The following FARP1 variants were observed in gnomAD, a reference collection of about 807,000 sequenced individuals.
FARP1 encodes the protein FERM, ARHGEF and pleckstrin domain-containing protein 1.
In FARP1, 52 loss-of-function variants were observed where a neutral mutation model predicts 128.8. The ratio of observed to expected loss-of-function variants is 0.40; its 90% CI spans 0.32 to 0.51. The LOEUF (loss-of-function observed/expected upper bound fraction) is 0.51, where lower values mean the gene tolerates loss of function less well. FARP1 is among the 20% of genes least tolerant of loss of function. The pLI, the probability that FARP1 is intolerant of heterozygous loss-of-function variation, is 0.45. For synonymous variants in FARP1, 580 were observed against 551.8 expected (o/e 1.05, Z -0.72); for missense variants, 1,333 against 1,367.9 (o/e 0.97, Z 0.40).
intron 1 of FARP1, among the ~76,000 whole-genome samples, chr13:98,207,139 T>C (rs1880321490): frequency 6.6e-6 from 1 of 152,168 alleles, no homozygotes; most frequent in African/African-American, 2.4e-5. Context: ...CTTGGCTGGA[T>C]TTATGATTGA....
intron 2 of FARP1, chr13:98,338,448 AG>A (rs1016021250): frequency 2.0e-5 from 3 of 152,198 alleles, no homozygotes; most frequent in Non-Finnish European, 4.4e-5. Flanking sequence ...CACTTAGAAC[AG>A]TGTCTGTAAG....
intron 2 of FARP1, among the ~76,000 whole-genome samples, chr13:98,250,710 G>T (rs1883282347): frequency 6.8e-6 from 1 of 146,100 alleles, no homozygotes; most frequent in Admixed American, 7.1e-5. Context: ...GACAGAGCAA[G>T]ACTCTGTCTC....
intron 2 of FARP1, among the ~76,000 whole-genome samples, chr13:98,278,440 A>G (rs1268767500): frequency 2.6e-5 from 4 of 151,874 alleles, no homozygotes; most frequent in Non-Finnish European, 5.9e-5. Context: ...ATGTGTGAGA[A>G]TGTGTGTGAG....
chr13:98,351,668 G>T (rs1888435793), intron 3 of FARP1, among the ~76,000 whole-genome samples: 1 of 151,878 alleles, frequency 6.6e-6, no homozygotes. Flanking sequence ...TCATGGTTCT[G>T]TAGGCTCTAT....
chr13:98,343,004 A>G (rs1024379899), intron 2 of FARP1, among the ~76,000 whole-genome samples: 15 of 152,150 alleles, frequency 9.9e-5, no homozygotes. Flanking sequence ...AGCCTGGGCA[A>G]TAAGAGCAAA....
chr13:98,363,742 T>G (rs1202287289), intron 3 of FARP1, among the ~76,000 whole-genome samples: 1 of 152,094 alleles, frequency 6.6e-6, no homozygotes, highest in Non-Finnish European at 1.5e-5. Context: ...TTGAATTTAT[T>G]TATTTCTTTC....
At chr13:98,233,758 A>G (rs868941) in intron 2 of FARP1, 46,210 of 152,068 alleles carry the variant, frequency 0.3, 7,444 homozygotes, top group Middle Eastern at 0.48. Context: ...AAGGAATGAC[A>G]TGGGATTCTG....
At chr13:98,181,640 ATTT>A (rs10549636) in intron 1 of FARP1, among the ~76,000 whole-genome samples, 13,523 of 56,084 alleles carry the variant, frequency 0.24, 1,246 homozygotes, top group African/African-American at 0.43. Flanking sequence ...TTATTTATTT[ATTT>A]GAGAGAGAGA....
At chr13:98,388,126 C>T (rs1890169236) in intron 8 of FARP1, among the ~76,000 whole-genome samples, 1 of 152,100 alleles carries the variant, frequency 6.6e-6, no homozygotes. Flanking sequence ...TTCTTTTCAT[C>T]ATTATCTTGG....
intron 2 of FARP1, among the ~76,000 whole-genome samples, chr13:98,277,668 A>G (rs1366191027): frequency 6.6e-6 from 1 of 152,164 alleles, no homozygotes; most frequent in Non-Finnish European, 1.5e-5. Context: ...AGCACTGTTT[A>G]GAGTCAGCCG....
At chr13:98,406,763 C>T (rs1376549441) in intron 13 of FARP1, 1 of 152,332 alleles carries the variant, frequency 6.6e-6, no homozygotes, top group Non-Finnish European at 1.5e-5. Context: ...TTGTTCTGAA[C>T]CGTGGCACGC....
chr13:98,238,853 G>A (rs1308616878), intron 2 of FARP1, among the ~76,000 whole-genome samples: 1 of 152,102 alleles, frequency 6.6e-6, no homozygotes, highest in Non-Finnish European at 1.5e-5. Context: ...AATTTTTGGG[G>A]GAGTCAAAAG....
chr13:98,171,790 T>C (rs1594226974), intron 1 of FARP1, among the ~76,000 whole-genome samples: 1 of 152,146 alleles, frequency 6.6e-6, no homozygotes, highest in Admixed American at 6.6e-5. Context: ...AAAGTCCTCC[T>C]CCCCACCAAT....
intron 1 of FARP1, among the ~76,000 whole-genome samples, chr13:98,148,232 G>A (rs1875719213): frequency 6.6e-6 from 1 of 152,144 alleles, no homozygotes; most frequent in South Asian, 2.1e-4. Flanking sequence ...TACAAAATTA[G>A]CCAGGCGTGG....
chr13:98,278,204 C>T (rs542830180), intron 2 of FARP1, among the ~76,000 whole-genome samples: 3 of 144,820 alleles, frequency 2.1e-5, no homozygotes, highest in Admixed American at 6.8e-5. Context: ...TTCTGTGTGT[C>T]TTTGTGTTGT....
intron 1 of FARP1, among the ~76,000 whole-genome samples, chr13:98,168,369 C>T (rs576383734): frequency 6.6e-6 from 1 of 152,254 alleles, no homozygotes; most frequent in South Asian, 2.1e-4. Flanking sequence ...GCTTCATTTT[C>T]CACATATGTA....
intron 2 of FARP1, among the ~76,000 whole-genome samples, chr13:98,312,135 C>CTTTTTTT (rs60890411): frequency 0.17 from 14,350 of 85,802 alleles, 3,164 homozygotes; most frequent in Non-Finnish European, 0.21. Context: ...GTGGTAACTG[C>CTTTTTTT]TTTTTTTTTT....
In FARP1 at chr13:98,329,295, C is replaced by T. The variant is rs2139819019; in HGVS notation, c.172-14467C>T. On this transcript the variant is annotated intron_variant, in intron 2 of 26. Transcript: ENST00000319562. ...TTTAAGCTTTTTTCATATAGTTGGC[C>T]TTTTGTTAATGGTCAGCATTTATGG... The T allele has an allele frequency of 1.3e-5, 2 of 152,268 alleles. 1 individual carries two copies. The highest frequency in any genetic ancestry group is 4.1e-4 in the South Asian group (2 of 4,822). The allele number at this position is 152,268 out of a possible 1,614,324, so 9.4% of individuals were successfully genotyped here. A position where few individuals can be genotyped will look rare whatever the true frequency, so the allele number is the denominator to read the frequency against.
chr13:98,193,413 A>T (rs1879371097), intron 1 of FARP1, among the ~76,000 whole-genome samples: 1 of 152,212 alleles, frequency 6.6e-6, no homozygotes, highest in East Asian at 1.9e-4. Flanking sequence ...TGACTTATTT[A>T]GAGCAACCTG....
Sources: allele counts gnomAD v4.1 joint callset (sites outside exome capture counted in the v4.1 genomes callset), GRCh38; gene constraint gnomAD v4.1.1; transcripts MANE v1.5; gene names NCBI Gene and HGNC (gene_info 2026-07-23, HGNC 2026-07-21).